The following ARHGAP26 variants were observed in gnomAD, a reference collection of about 807,000 sequenced individuals.
The protein encoded by ARHGAP26 is Rho GTPase activating protein 26, also known as rho GTPase-activating protein 26.
A neutral mutation model predicts 104.8 loss-of-function variants in ARHGAP26; 38 were observed. That is an observed-to-expected ratio of 0.36 (90% CI 0.28 to 0.48). The LOEUF (loss-of-function observed/expected upper bound fraction) is 0.48. Ranked by LOEUF, ARHGAP26 falls within the 20% of genes least tolerant of loss-of-function variation. ARHGAP26 has a pLI of 0.99. For missense variants in ARHGAP26, 704 were observed against 947.9 expected (o/e 0.74, Z 3.38); for synonymous variants, 341 against 340.0 (o/e 1.00, Z -0.03).
Position 142,894,362 on chromosome 5 carries a change from C to T in ARHGAP26, c.597+14C>T. ...TTTGTGGAGCCTGTAAGTAGATATT[C>T]AGGGTTTAATGATGTACCCATATAT... On this transcript the variant is annotated intron_variant, in intron 6 of 22. Transcript: ENST00000645722. 6.2e-7 allele frequency: 1 copy of T among 1,605,710 alleles called. No individual in the cohort carries two copies. Among genetic ancestry groups the T allele is most frequent in the Non-Finnish European group, 8.5e-7 (1 of 1,172,750 alleles).
intron 11 of ARHGAP26, among the ~76,000 whole-genome samples, chr5:142,971,109 G>A (rs1300358474): frequency 6.6e-6 from 1 of 152,010 alleles, no homozygotes; most frequent in African/African-American, 2.4e-5. Context: ...TTTTTTCAGA[G>A]ATGTCCATTA....
At chr5:142,905,932 A>G (rs1471239805) in intron 8 of ARHGAP26, among the ~76,000 whole-genome samples, 1 of 152,218 alleles carries the variant, frequency 6.6e-6, no homozygotes, top group Non-Finnish European at 1.5e-5. Context: ...GTTGTTCTCC[A>G]GTACAGAACC....
At chr5:143,004,770 C>T (rs886443852) in intron 11 of ARHGAP26, among the ~76,000 whole-genome samples, 4 of 152,188 alleles carry the variant, frequency 2.6e-5, no homozygotes, top group Non-Finnish European at 5.9e-5. Flanking sequence ...TAGGGAAACA[C>T]ATCTTGCAGA....
intron 20 of ARHGAP26, among the ~76,000 whole-genome samples, chr5:143,149,216 C>T (rs770721813): frequency 6.6e-6 from 1 of 152,062 alleles, no homozygotes; most frequent in Non-Finnish European, 1.5e-5. Flanking sequence ...AGGGTGATAA[C>T]AGGAACGGTT....
intron 22 of ARHGAP26, among the ~76,000 whole-genome samples, chr5:143,214,499 C>T (rs190105578): frequency 1.7e-3 from 252 of 152,306 alleles, no homozygotes; most frequent in African/African-American, 4.9e-3. Flanking sequence ...TATCCATCTT[C>T]GAAAAAGGCC....
intron 21 of ARHGAP26, 143 bp from the exon 22 acceptor site, chr5:143,213,854 C>T (rs1809903838): frequency 2.1e-6 from 1 of 468,848 alleles, no homozygotes; most frequent in African/African-American, 1.9e-5. Flanking sequence ...CACCTCATGT[C>T]TTGCCATCTG....
At position 143,226,516 on chromosome 5, in the gene ARHGAP26, G is replaced by A. The variant is rs1043367850; in HGVS notation, c.*4070G>A. 5.3e-6 allele frequency: 1 copy of A among 189,162 alleles called. No individual in the cohort carries two copies. The highest frequency in any genetic ancestry group is 8.3e-5 in the East Asian group (1 of 12,046). 11.7% of individuals were successfully genotyped at this position (189,162 alleles called of 1,614,324 possible). A position where few individuals can be genotyped will look rare whatever the true frequency, so the allele number is the denominator to read the frequency against. On this transcript the variant is annotated 3_prime_UTR_variant, in exon 23 of 23. Coordinates refer to ENST00000645722, the MANE Select transcript of ARHGAP26 (RefSeq NM_001135608.3). ...AAAAAAAAAAAAAAAAGAATGCCAT[G>A]CCAGGAGAAGACAGCTGGTTTCAAA...
At chr5:142,805,106 C>CTTTTT (rs532679996) in intron 1 of ARHGAP26, among the ~76,000 whole-genome samples, 2 of 139,236 alleles carry the variant, frequency 1.4e-5, no homozygotes, top group Non-Finnish European at 1.6e-5. Flanking sequence ...CCTTTCTTTT[C>CTTTTT]TTTTTTTTTT....
At chr5:143,145,198 T>G (rs1799015478) in intron 19 of ARHGAP26, among the ~76,000 whole-genome samples, 1 of 152,222 alleles carries the variant, frequency 6.6e-6, no homozygotes, top group Non-Finnish European at 1.5e-5. Flanking sequence ...GTTTTTAGTT[T>G]GTAGAATGAT....
intron 11 of ARHGAP26, among the ~76,000 whole-genome samples, chr5:142,985,447 A>G (rs1003501881): frequency 6.6e-6 from 1 of 152,112 alleles, no homozygotes; most frequent in African/African-American, 2.4e-5. Flanking sequence ...ACTCTCCCAG[A>G]GCAACTTCCA....
chr5:142,974,832 C>T (rs774075492), intron 11 of ARHGAP26, among the ~76,000 whole-genome samples: 3 of 152,178 alleles, frequency 2.0e-5, no homozygotes, highest in Admixed American at 6.5e-5. Context: ...TTCCTTTCGC[C>T]CTCTGTCCCT....
chr5:142,879,245 A>G, intron 3 of ARHGAP26, 129 bp from the exon 4 acceptor site: 2 of 807,434 alleles, frequency 2.5e-6, no homozygotes, highest in South Asian at 1.4e-5. Flanking sequence ...TAAACAGTTG[A>G]CATGTACAAC....
chr5:143,070,056 C>T (rs1252977452), intron 17 of ARHGAP26, among the ~76,000 whole-genome samples: 1 of 152,138 alleles, frequency 6.6e-6, no homozygotes, highest in Non-Finnish European at 1.5e-5. Context: ...GTTCACCAGT[C>T]CTCAGAATCC....
At chr5:142,917,220 G>T (rs1376594691) in intron 10 of ARHGAP26, among the ~76,000 whole-genome samples, 1 of 152,024 alleles carries the variant, frequency 6.6e-6, no homozygotes, top group Non-Finnish European at 1.5e-5. Flanking sequence ...TGTATTTTTA[G>T]TAGAGATGCG....
At chr5:142,878,537 G>A (rs909705519) in intron 3 of ARHGAP26, among the ~76,000 whole-genome samples, 1 of 123,546 alleles carries the variant, frequency 8.1e-6, no homozygotes, top group Non-Finnish European at 1.6e-5. Context: ...GTGTGTGTGT[G>A]CACGCATGTG....
intron 1 of ARHGAP26, chr5:142,771,183 G>A: frequency 5.4e-6 from 7 of 1,285,614 alleles, no homozygotes; most frequent in Non-Finnish European, 5.9e-6. Flanking sequence ...CAGCGCGGGT[G>A]GGCGTGGGCG....
At chr5:143,081,524 C>T (rs917768139) in intron 17 of ARHGAP26, among the ~76,000 whole-genome samples, 1 of 152,282 alleles carries the variant, frequency 6.6e-6, no homozygotes, top group Non-Finnish European at 1.5e-5. Context: ...GACCTGAGTT[C>T]AAATTCCATT....
At chr5:143,120,926 T>A in intron 17 of ARHGAP26, 62 bp from the exon 18 acceptor site, 2 of 1,501,982 alleles carry the variant, frequency 1.3e-6, no homozygotes, top group Non-Finnish European at 1.8e-6. Context: ...GGATACAGGG[T>A]GGTTGGTATC....
intron 17 of ARHGAP26, among the ~76,000 whole-genome samples, chr5:143,118,769 TCA>T (rs1383111426): frequency 1.3e-5 from 2 of 150,448 alleles, no homozygotes; most frequent in African/African-American, 4.9e-5. Flanking sequence ...AAGGCCTTGA[TCA>T]CACACCGGGG....
Sources: allele counts gnomAD v4.1 joint callset (sites outside exome capture counted in the v4.1 genomes callset), GRCh38; gene constraint gnomAD v4.1.1; transcripts MANE v1.5; gene names NCBI Gene and HGNC (gene_info 2026-07-23, HGNC 2026-07-21).